The following CNTNAP2 variants were observed in gnomAD, a reference collection of about 807,000 sequenced individuals.
CNTNAP2 encodes the protein contactin-associated protein-like 2.
Under a neutral mutation model 155.2 loss-of-function variants are expected in CNTNAP2, and 98 were observed. The observed-to-expected ratio is 0.63, with a 90% CI of 0.54 to 0.75. The LOEUF is 0.75. Ranked by LOEUF, CNTNAP2 falls within the 30% of genes least tolerant of loss-of-function variation. The pLI, the probability that CNTNAP2 is intolerant of heterozygous loss-of-function variation, is 0.00. For synonymous variants in CNTNAP2, 651 were observed against 631.2 expected, an observed-to-expected ratio of 1.03 and a Z score of -0.47; for missense variants, 1,727 against 1,688.1, an observed-to-expected ratio of 1.02 and a Z score of -0.40.
chr7:146,368,438 T>G (rs531015363), intron 1 of CNTNAP2, among the ~76,000 whole-genome samples: 1 of 152,278 alleles, frequency 6.6e-6, no homozygotes, highest in Non-Finnish European at 1.5e-5. Flanking sequence ...CGGTGTGGTA[T>G]GGTATGGTTT....
chr7:148,083,377 C>T (rs1270493989), intron 15 of CNTNAP2, among the ~76,000 whole-genome samples: 1 of 152,108 alleles, frequency 6.6e-6, no homozygotes, highest in African/African-American at 2.4e-5. Flanking sequence ...CACTTCGGTT[C>T]CCTTCATAGC....
chr7:147,792,659 A>G (rs1349243032), intron 13 of CNTNAP2, among the ~76,000 whole-genome samples: 2 of 152,136 alleles, frequency 1.3e-5, no homozygotes, highest in African/African-American at 2.4e-5. Context: ...TGCTTCTATG[A>G]CCATTCATCT....
chr7:147,079,538 T>A (rs972309997), intron 4 of CNTNAP2, among the ~76,000 whole-genome samples: 8 of 151,688 alleles, frequency 5.3e-5, no homozygotes, highest in Admixed American at 1.3e-4. Context: ...GGCATATGTA[T>A]ACATATGTAA....
chr7:146,354,890 A>G (rs1313847938), intron 1 of CNTNAP2, among the ~76,000 whole-genome samples: 4 of 152,236 alleles, frequency 2.6e-5, no homozygotes, highest in African/African-American at 9.6e-5. Context: ...AATATGAGGC[A>G]TATCAATGGC....
intron 3 of CNTNAP2, among the ~76,000 whole-genome samples, chr7:147,039,143 T>A (rs1387027218): frequency 6.6e-6 from 1 of 152,178 alleles, no homozygotes; most frequent in Non-Finnish European, 1.5e-5. Context: ...TATGTACATA[T>A]TACATATAAC....
chr7:147,394,867 CTT>C (rs1796785721), intron 9 of CNTNAP2, among the ~76,000 whole-genome samples: 1 of 142,016 alleles, frequency 7.0e-6, no homozygotes, highest in South Asian at 2.2e-4. Context: ...GTTATTTACT[CTT>C]TTAATTTTAG....
At chr7:147,201,325 A>T (rs1270183263) in intron 8 of CNTNAP2, among the ~76,000 whole-genome samples, 1 of 152,230 alleles carries the variant, frequency 6.6e-6, no homozygotes, top group Non-Finnish European at 1.5e-5. Context: ...AAGAATGTTA[A>T]AATAAGTATC....
intron 1 of CNTNAP2, among the ~76,000 whole-genome samples, chr7:146,138,953 A>AAGATGAAAATAT (rs1797836892): frequency 6.6e-6 from 1 of 152,138 alleles, no homozygotes; most frequent in Non-Finnish European, 1.5e-5. Context: ...AATCCACTGT[A>AAGATGAAAATAT]AGTTGAAAAT....
At chr7:148,394,431 A>C (rs975941820) in intron 22 of CNTNAP2, among the ~76,000 whole-genome samples, 5 of 152,228 alleles carry the variant, frequency 3.3e-5, no homozygotes, top group African/African-American at 1.2e-4. Context: ...TTAGTGGCTC[A>C]TAGAGCTAAT....
chr7:147,230,017 T>C (rs1803641321), intron 8 of CNTNAP2, among the ~76,000 whole-genome samples: 1 of 152,178 alleles, frequency 6.6e-6, no homozygotes, highest in African/African-American at 2.4e-5. Flanking sequence ...AAAATATAGT[T>C]ACTAAAATGT....
At chr7:146,903,972 T>C (rs1008645780) in intron 3 of CNTNAP2, among the ~76,000 whole-genome samples, 4 of 152,216 alleles carry the variant, frequency 2.6e-5, no homozygotes, top group African/African-American at 9.7e-5. Flanking sequence ...TTGTACACCG[T>C]AAATATACAT....
At chr7:147,878,144 G>GA (rs1048016106) in intron 13 of CNTNAP2, among the ~76,000 whole-genome samples, 8 of 95,048 alleles carry the variant, frequency 8.4e-5, no homozygotes, top group Non-Finnish European at 8.2e-5. Flanking sequence ...GAAGTTTAGG[G>GA]TTTTTTTTTT....
chr7:147,621,105 C>T (rs886366272), intron 12 of CNTNAP2, among the ~76,000 whole-genome samples: 1 of 152,018 alleles, frequency 6.6e-6, no homozygotes. Flanking sequence ...AAGAAAAAAA[C>T]TTTTACCCTA....
At chr7:147,855,419 T>C (rs1799019059) in intron 13 of CNTNAP2, among the ~76,000 whole-genome samples, 1 of 152,142 alleles carries the variant, frequency 6.6e-6, no homozygotes, top group Non-Finnish European at 1.5e-5. Flanking sequence ...TCATCTTACC[T>C]GGATGCTTCT....
chr7:148,347,224 T>A (rs2116591287), intron 21 of CNTNAP2, among the ~76,000 whole-genome samples: 1 of 151,918 alleles, frequency 6.6e-6, no homozygotes, highest in Admixed American at 6.5e-5. Flanking sequence ...ACCACTACAC[T>A]TCAGCCTGGG....
At chr7:147,853,758 TA>T (rs1419559978) in intron 13 of CNTNAP2, among the ~76,000 whole-genome samples, 6 of 152,364 alleles carry the variant, frequency 3.9e-5, no homozygotes, top group Middle Eastern at 3.4e-3. Flanking sequence ...TATCTCTTGA[TA>T]TTTTTTCTCA....
At chr7:146,891,977 A>G (rs1231054767) in intron 3 of CNTNAP2, among the ~76,000 whole-genome samples, 1 of 152,164 alleles carries the variant, frequency 6.6e-6, no homozygotes, top group African/African-American at 2.4e-5. Context: ...CCAACATAAA[A>G]TTACTGGTTA....
chr7:147,167,347 G>A (rs775565084), intron 8 of CNTNAP2: 27 of 679,544 alleles, frequency 4.0e-5, no homozygotes, highest in Middle Eastern at 8.7e-4. Flanking sequence ...TGTTTCTGCC[G>A]AAAGAAGAAT....
intron 1 of CNTNAP2, among the ~76,000 whole-genome samples, chr7:146,265,425 T>C (rs893148919): frequency 6.6e-6 from 1 of 151,734 alleles, no homozygotes; most frequent in Non-Finnish European, 1.5e-5. Flanking sequence ...TAGGTCTTCA[T>C]TTGAGTAGAT....
Sources: gnomAD v4.1 joint callset for allele counts (sites outside exome capture counted in the v4.1 genomes callset) on GRCh38, gnomAD v4.1.1 for gene constraint, MANE v1.5 for transcripts, NCBI Gene and HGNC (gene_info 2026-07-23, HGNC 2026-07-21) for gene names.